Variants in KCNK2 observed in about 807,000 individuals in gnomAD.
KCNK2 encodes the protein potassium two pore domain channel subfamily K member 2.
In KCNK2, 21 loss-of-function variants were observed where a neutral mutation model predicts 40.5. That is an observed-to-expected ratio of 0.52 (90% CI 0.37 to 0.75). The LOEUF (loss-of-function observed/expected upper bound fraction) is 0.75, where lower values mean the gene tolerates loss of function less well. KCNK2 is among the 30% of genes least tolerant of loss of function. The pLI is 0.00. For missense variants in KCNK2, 399 were observed against 531.6 expected (o/e 0.75, Z 2.45); for synonymous variants, 191 against 202.2 (o/e 0.94, Z 0.47).
chr1:215,227,758 T>G (rs906349260), intron 6 of KCNK2, among the ~76,000 whole-genome samples: 1 of 152,046 alleles, frequency 6.6e-6, no homozygotes, highest in Non-Finnish European at 1.5e-5. Context: ...TCCACGGTTT[T>G]GACAATAGGA....
rs937447827 is a variant in KCNK2, at chr1:215,218,082, G to T, written c.964-16746G>T. The stretch of plus-strand genomic sequence containing the variant: ...GGGGAATAGAGGAGTGAAGGAAGGA[G>T]TCAAAAGGGGACCACTTCACTAAGG... On this transcript the variant is annotated intron_variant, in intron 6 of 6. Coordinates refer to ENST00000444842, the MANE Select transcript of KCNK2 (RefSeq NM_001017425.3). Among the ~76,000 whole-genome samples the T allele has an allele frequency of 2.6e-5, 4 of 152,276 alleles. No individual in the cohort carries two copies. In the East Asian group the frequency reaches 7.7e-4, roughly 29 times the overall value.
chr1:215,107,752 T>C lies in KCNK2; in HGVS notation c.358-16881T>C, dbSNP rs1402034575. Among the ~76,000 whole-genome samples, 3 of 152,122 alleles carry C rather than the reference T, an allele frequency of 2.0e-5. No individual in the cohort carries two copies. In the East Asian group the frequency reaches 5.8e-4, roughly 29 times the overall value. ...GTATATTTTGGGTATAAATCTCTTA[T>C]CAGGTATAGTCAGCCTTCGGTATCC... On this transcript the variant is annotated intron_variant, in intron 2 of 6. Transcript: ENST00000444842.
At chr1:215,175,573 T>C (rs1482512996) in intron 5 of KCNK2, among the ~76,000 whole-genome samples, 1 of 152,086 alleles carries the variant, frequency 6.6e-6, no homozygotes, top group African/African-American at 2.4e-5. Context: ...TGTTGAGGTT[T>C]GGGGTAAGAT....
chr1:215,091,052 T>G (rs1558086272), intron 2 of KCNK2, among the ~76,000 whole-genome samples: 1 of 152,118 alleles, frequency 6.6e-6, no homozygotes, highest in Non-Finnish European at 1.5e-5. Flanking sequence ...GCTATTAACA[T>G]AGGTACAATA....
chr1:215,219,743 G>A (rs977709120), intron 6 of KCNK2, among the ~76,000 whole-genome samples: 1 of 152,084 alleles, frequency 6.6e-6, no homozygotes, highest in Admixed American at 6.5e-5. Flanking sequence ...TTTATTGTTT[G>A]TTTATTTATG....
rs995455391 is a variant in KCNK2, at chr1:215,034,600, T to C, written c.34+28645T>C. Among the ~76,000 whole-genome samples the C allele has an allele frequency of 1.2e-4, 18 of 152,270 alleles. 1 individual carries two copies. Among genetic ancestry groups the C allele is most frequent in the Middle Eastern group, 3.4e-3 (1 of 294 alleles). The stretch of plus-strand genomic sequence containing the variant: ...CAATATTTTGTGCTGTCAGTCTCTG[T>C]AGTTCAAGTCATTCTAATGTCTAGT... On this transcript the variant is annotated intron_variant, in intron 1 of 6. Coordinates refer to the KCNK2 transcript ENST00000391895.
intron 5 of KCNK2, among the ~76,000 whole-genome samples, chr1:215,189,477 T>C (rs1193351292): frequency 1.3e-5 from 2 of 152,148 alleles, no homozygotes; most frequent in Non-Finnish European, 2.9e-5. Context: ...ATGTGTTGAT[T>C]TTTCTTTCTT....
At chr1:215,173,895 A>G (rs1167564343) in intron 5 of KCNK2, among the ~76,000 whole-genome samples, 1 of 152,194 alleles carries the variant, frequency 6.6e-6, no homozygotes, top group African/African-American at 2.4e-5. Flanking sequence ...AGTAGATTGC[A>G]AAAATGTTCT....
chr1:215,013,836 C>T (rs2102472401), intron 1 of KCNK2, among the ~76,000 whole-genome samples: 1 of 152,222 alleles, frequency 6.6e-6, no homozygotes, highest in African/African-American at 2.4e-5. Flanking sequence ...TTTAGGTTTT[C>T]TATATCAATC....
chr1:215,205,426 C>T (rs532901739), intron 6 of KCNK2, among the ~76,000 whole-genome samples: 58 of 152,178 alleles, frequency 3.8e-4, no homozygotes, highest in African/African-American at 1.0e-3. Context: ...TTAGTAGAGA[C>T]GGGGTTTCAC....
chr1:215,040,439 A>C (rs1392860678), intron 1 of KCNK2, among the ~76,000 whole-genome samples: 3 of 152,200 alleles, frequency 2.0e-5, no homozygotes, highest in Non-Finnish European at 4.4e-5. Flanking sequence ...ATTATTCATT[A>C]GGATTACACC....
chr1:215,040,652 T>A (rs910192088), intron 1 of KCNK2, among the ~76,000 whole-genome samples: 2 of 152,112 alleles, frequency 1.3e-5, no homozygotes, highest in Non-Finnish European at 2.9e-5. Flanking sequence ...TGAACTGGCA[T>A]GATGTAGTAG....
At chr1:215,202,606 C>T (rs888148270) in intron 6 of KCNK2, among the ~76,000 whole-genome samples, 4 of 152,130 alleles carry the variant, frequency 2.6e-5, no homozygotes, top group African/African-American at 9.7e-5. Flanking sequence ...GTGCTTCTAA[C>T]TTCAGGAAGG....
intron 3 of KCNK2, among the ~76,000 whole-genome samples, chr1:215,138,491 C>T (rs896793652): frequency 3.3e-5 from 5 of 151,994 alleles, no homozygotes; most frequent in African/African-American, 4.8e-5. Flanking sequence ...CCAGGTACAG[C>T]GGCTCACTCT....
chr1:215,124,610 T>C (rs759863551), intron 2 of KCNK2, 23 bp from the exon 3 acceptor site: 12 of 1,397,244 alleles, frequency 8.6e-6, no homozygotes, highest in East Asian at 2.3e-5. Context: ...TGTGTACTGA[T>C]AAATTTCTTT....
intron 5 of KCNK2, among the ~76,000 whole-genome samples, chr1:215,184,546 T>C (rs904355801): frequency 1.4e-4 from 21 of 152,226 alleles, no homozygotes; most frequent in African/African-American, 4.6e-4. Flanking sequence ...TAGTTCAACA[T>C]GGTTGGGGAG....
At chr1:215,159,717 T>C (rs1482936241) in intron 3 of KCNK2, among the ~76,000 whole-genome samples, 1 of 152,160 alleles carries the variant, frequency 6.6e-6, no homozygotes, top group African/African-American at 2.4e-5. Context: ...GAACATAATA[T>C]TTACATACTC....
At chr1:215,031,995 AT>A (rs1657207455) in intron 1 of KCNK2, among the ~76,000 whole-genome samples, 2 of 152,142 alleles carry the variant, frequency 1.3e-5, no homozygotes, top group Non-Finnish European at 2.9e-5. Context: ...CTGTTCTCGT[AT>A]CATTGCGGTC....
At chr1:215,207,824 A>G (rs1665382365) in intron 6 of KCNK2, among the ~76,000 whole-genome samples, 1 of 152,214 alleles carries the variant, frequency 6.6e-6, no homozygotes, top group Non-Finnish European at 1.5e-5. Flanking sequence ...ATTAGATACT[A>G]TTTCATACCA....
Sources: gnomAD v4.1 joint callset for allele counts (sites outside exome capture counted in the v4.1 genomes callset) on GRCh38, gnomAD v4.1.1 for gene constraint, MANE v1.5 for transcripts, NCBI Gene and HGNC (gene_info 2026-07-23, HGNC 2026-07-21) for gene names.